CHST4: variants seen among roughly 807,000 people sequenced by gnomAD.
CHST4 encodes the protein GST-3.
For missense variants in CHST4, 466 were observed against 506.0 expected, an observed-to-expected ratio of 0.92 and a Z score of 0.76; for synonymous variants, 171 against 195.5, an observed-to-expected ratio of 0.87 and a Z score of 1.05.
At chr16:71,527,472 C>T (rs551340843) in intron 1 of CHST4, among the ~76,000 whole-genome samples, 9 of 152,240 alleles carry the variant, frequency 5.9e-5, no homozygotes, top group African/African-American at 1.4e-4. Flanking sequence ...TCTAGCCAGG[C>T]GCGATGGCTC....
At chr16:71,534,140 T>C (rs1481257806) in intron 1 of CHST4, among the ~76,000 whole-genome samples, 1 of 152,050 alleles carries the variant, frequency 6.6e-6, no homozygotes, top group Non-Finnish European at 1.5e-5. Context: ...CTTTCCCTCC[T>C]GCATACAGAA....
At chr16:71,528,375 TA>T (rs113485563) in intron 1 of CHST4, among the ~76,000 whole-genome samples, 42 of 146,114 alleles carry the variant, frequency 2.9e-4, no homozygotes, top group Middle Eastern at 3.6e-3. Context: ...TCTCATATAG[TA>T]AAAAAAAAAA....
chr16:71,528,655 TCTG>T (rs2043925112), intron 1 of CHST4, among the ~76,000 whole-genome samples: 1 of 152,196 alleles, frequency 6.6e-6, no homozygotes, highest in South Asian at 2.1e-4. Context: ...CAAGGTATCT[TCTG>T]CTGTATCTAA....
chr16:71,537,191 A>C lies in CHST4; in HGVS notation c.514A>C (p.Ser172Arg), dbSNP rs1212480992. ...GGTGGAGAAGGCCTGCCGCTCCTAC[A>C]GCCACGTGGTGCTCAAGGAGGTGCG... ...EVVEKACRSY[S>R]HVVLKEVRFF... is the part of the protein sequence containing the mutation. The change falls in exon 2 of 2, where the codon AGC becomes CGC. Residue 172 changes from serine to arginine, a missense_variant. Physicochemically the swap from Ser to Arg is moderately radical, Grantham distance 110 (BLOSUM62 -1). Coordinates refer to ENST00000539698, the MANE Select transcript of CHST4 (RefSeq NM_001166395.2). This position sits in a 1 kb window ranked among gnomAD's most constrained non-coding sequence, Gnocchi z 4.2. 1.2e-6 allele frequency: 2 copies of C among 1,614,188 alleles called. No individual in the cohort carries two copies. Among genetic ancestry groups the C allele is most frequent in the Non-Finnish European group, 1.7e-6 (2 of 1,180,032 alleles).
rs1334429762 is a variant in CHST4, at chr16:71,537,085, T to C, written c.408T>C (p.Pro136=). 1 of 1,614,164 alleles carries C rather than the reference T, an allele frequency of 6.2e-7. No homozygotes were observed. The part of the protein sequence containing the change: ...WENSRALCSA[P]ACDIIPQDEI... ...ACAGCCGGGCCCTGTGTTCTGCACCTGCCTGTGACATCATCCCACAAGATG... is the reference window on the plus strand; with the variant it reads ...ACAGCCGGGCCCTGTGTTCTGCACCCGCCTGTGACATCATCCCACAAGATG... Residue 136 remains proline (P), a synonymous_variant, in exon 2 of 2, where the codon CCT becomes CCC. Coordinates refer to ENST00000539698, the MANE Select transcript of CHST4 (RefSeq NM_001166395.2). This position sits in a 1 kb window ranked among gnomAD's most constrained non-coding sequence, Gnocchi z 4.2.
At chr16:71,529,825 T>C (rs2043934839) in intron 1 of CHST4, among the ~76,000 whole-genome samples, 1 of 152,154 alleles carries the variant, frequency 6.6e-6, no homozygotes, top group South Asian at 2.1e-4. Context: ...AAGGGATGGC[T>C]GCTAACAGAA....
Position 71,536,782 on chromosome 16 carries a change from T to C in CHST4, c.105T>C (p.Ser35=). The change falls in exon 2 of 2, where the codon TCT becomes TCC. Residue 35 remains serine (S), a synonymous_variant. Coordinates refer to ENST00000539698, the MANE Select transcript of CHST4 (RefSeq NM_001166395.2). The part of the protein sequence containing the change: ...HMYSHNISSL[S]MKAQPERMHV... ...ACAGCCACAACATCAGCTCCCTGTC[T>C]ATGAAGGCACAGCCCGAGCGCATGC... 1 of 1,515,626 alleles carries C rather than the reference T, an allele frequency of 6.6e-7. No individual in the cohort carries two copies. The highest frequency in any genetic ancestry group is 2.3e-5 in the East Asian group (1 of 43,898). The allele number at this position is 1,515,626 out of a possible 1,614,324, so 93.9% of individuals were successfully genotyped here. A position where few individuals can be genotyped will look rare whatever the true frequency, so the allele number is the denominator to read the frequency against.
chr16:71,532,037 C>T (rs2043951246), intron 1 of CHST4, among the ~76,000 whole-genome samples: 1 of 146,220 alleles, frequency 6.8e-6, no homozygotes, highest in South Asian at 2.2e-4. Flanking sequence ...CACATCTTAG[C>T]TGGTCCTGTT....
Position 71,537,866 on chromosome 16 carries a change from T to A in CHST4, c.*28T>A. The A allele has an allele frequency of 6.4e-7, 1 of 1,566,260 alleles. No homozygotes were observed. Among genetic ancestry groups the A allele is most frequent in the Non-Finnish European group, 8.7e-7 (1 of 1,151,822 alleles). On this transcript the variant is annotated 3_prime_UTR_variant, in exon 2 of 2. Transcript: ENST00000539698. This position sits in a 1 kb window ranked among gnomAD's most constrained non-coding sequence, Gnocchi z 4.2. Reference sequence around the variant, plus strand: ...GGGTTGAGAAGGCTTTGCTGCCACCTGGTGTCAGCCTCAGTCACTTTCTCT... The same window carrying A: ...GGGTTGAGAAGGCTTTGCTGCCACCAGGTGTCAGCCTCAGTCACTTTCTCT...
chr16:71,537,909 G>A lies in CHST4; in HGVS notation c.*71G>A. On this transcript the variant is annotated 3_prime_UTR_variant, in exon 2 of 2. Coordinates refer to ENST00000539698, the MANE Select transcript of CHST4 (RefSeq NM_001166395.2). The surrounding 1 kb of genome is among the most constrained non-coding windows in gnomAD (Gnocchi z 4.2). ...CTTTCTCTGAATGCTTCTGAGCCTTGCCTACATCTCTGAGCCTTAACTACA... is the reference window on the plus strand; with the variant it reads ...CTTTCTCTGAATGCTTCTGAGCCTTACCTACATCTCTGAGCCTTAACTACA... 1 of 1,396,870 alleles carries A rather than the reference G, an allele frequency of 7.2e-7. No homozygotes were observed. The highest frequency in any genetic ancestry group is 9.8e-7 in the Non-Finnish European group (1 of 1,016,722). 86.5% of individuals were successfully genotyped at this position (1,396,870 alleles called of 1,614,324 possible).
In CHST4 at chr16:71,537,072, T is replaced by A; in HGVS notation, c.395T>A (p.Leu132Gln). The change falls in exon 2 of 2, where the codon CTG becomes CAG. Residue 132 changes from leucine to glutamine, a missense_variant. By Grantham distance (113) the Leu-to-Gln change is moderately radical (BLOSUM62 -2). Transcript: ENST00000539698. This position sits in a 1 kb window ranked among gnomAD's most constrained non-coding sequence, Gnocchi z 4.2. ...TTTCAGTGGGAGAACAGCCGGGCCC[T>A]GTGTTCTGCACCTGCCTGTGACATC... Reference protein sequence around the residue: ...SLFQWENSRALCSAPACDIIP... With the variant: ...SLFQWENSRAQCSAPACDIIP... 1 of 1,614,154 alleles carries A rather than the reference T, an allele frequency of 6.2e-7. No homozygotes were observed.
At chr16:71,533,294 G>A (rs1404781427) in intron 1 of CHST4, among the ~76,000 whole-genome samples, 1 of 151,942 alleles carries the variant, frequency 6.6e-6, no homozygotes, top group African/African-American at 2.4e-5. Context: ...GCGTGGTGGT[G>A]TGCGCCTGTA....
intron 1 of CHST4, among the ~76,000 whole-genome samples, chr16:71,531,678 C>T (rs1189212343): frequency 6.6e-6 from 1 of 152,154 alleles, no homozygotes; most frequent in Admixed American, 6.5e-5. Context: ...TGGCCCCAAG[C>T]AGGATGGAGG....
At chr16:71,535,631 G>A (rs542127592) in intron 1 of CHST4, among the ~76,000 whole-genome samples, 11 of 152,234 alleles carry the variant, frequency 7.2e-5, no homozygotes, top group African/African-American at 1.4e-4. Flanking sequence ...GTTGTCCCAC[G>A]TAATCAAGTA....
chr16:71,534,609 C>T (rs1165227920), intron 1 of CHST4, among the ~76,000 whole-genome samples: 2 of 151,990 alleles, frequency 1.3e-5, no homozygotes, highest in African/African-American at 4.8e-5. Flanking sequence ...CCACCCGCCT[C>T]GGCCTCCAAA....
intron 1 of CHST4, among the ~76,000 whole-genome samples, chr16:71,532,634 G>C (rs2043957083): frequency 6.6e-6 from 1 of 152,186 alleles, no homozygotes; most frequent in African/African-American, 2.4e-5. Flanking sequence ...TTCCCTTCAG[G>C]AAGAAAGCTA....
chr16:71,526,624 G>A (rs969465247), intron 1 of CHST4, 129 bp downstream of exon 1: 5 of 152,110 alleles, frequency 3.3e-5, no homozygotes, highest in Non-Finnish European at 2.9e-5. Context: ...TGCGCAGAGG[G>A]GATAAATCAG....
At position 71,536,647 on chromosome 16, in the gene CHST4, T is replaced by G. The variant is rs748298906; in HGVS notation, c.-18-13T>G. ...AGCAGCCCAACTCCACCCTTTCTGT[T>G]TGTTCCTTAAAGGTCTTCCACTTCA... On this transcript the variant is annotated splice_polypyrimidine_tract_variant and intron_variant, in intron 1 of 1. Coordinates refer to ENST00000539698, the MANE Select transcript of CHST4 (RefSeq NM_001166395.2). 1 of 1,388,716 alleles carries G rather than the reference T, an allele frequency of 7.2e-7. No individual in the cohort carries two copies. 86.0% of individuals were successfully genotyped at this position (1,388,716 alleles called of 1,614,324 possible).
At chr16:71,536,565 G>C in intron 1 of CHST4, 95 bp from the exon 2 acceptor site, 1 of 823,700 alleles carries the variant, frequency 1.2e-6, no homozygotes, top group South Asian at 3.9e-5. Flanking sequence ...TCCTTGGTAG[G>C]GGGTCAGAGA....
Sources: gnomAD v4.1 joint callset for allele counts (sites outside exome capture counted in the v4.1 genomes callset) on GRCh38, gnomAD v4.1.1 for gene constraint, Gnocchi (gnomAD v3.1) non-coding constraint, MANE v1.5 for transcripts, NCBI Gene and HGNC (gene_info 2026-07-23, HGNC 2026-07-21) for gene names.